PYGL: variants seen among roughly 807,000 people sequenced by gnomAD.
PYGL encodes glycogen phosphorylase L.
Under a neutral mutation model 100.1 loss-of-function variants are expected in PYGL, and 90 were observed. The ratio of observed to expected loss-of-function variants is 0.90; its 90% confidence interval spans 0.76 to 1.07. The LOEUF is 1.07. PYGL is among the 50% of genes least tolerant of loss of function. The pLI, the probability that PYGL is intolerant of heterozygous loss-of-function variation, is 0.00. For synonymous variants in PYGL, 373 were observed against 393.0 expected, an observed-to-expected ratio of 0.95 and a Z score of 0.60; for missense variants, 1,016 against 1,057.6, an observed-to-expected ratio of 0.96 and a Z score of 0.55.
At chr14:50,932,120 T>A (rs779286552) in intron 3 of PYGL, among the ~76,000 whole-genome samples, 7 of 152,156 alleles carry the variant, frequency 4.6e-5, no homozygotes, top group Admixed American at 1.3e-4. Flanking sequence ...GTCCCCACAC[T>A]GCCTTTTCTA....
chr14:50,916,835 A>C, intron 8 of PYGL, 101 bp from the exon 9 acceptor site: 2 of 1,544,248 alleles, frequency 1.3e-6, no homozygotes, highest in Non-Finnish European at 1.8e-6. Context: ...CCCACCTTCT[A>C]TGAAAGACTT....
chr14:50,926,967 G>C (rs2050554263), intron 4 of PYGL, among the ~76,000 whole-genome samples: 1 of 152,054 alleles, frequency 6.6e-6, no homozygotes, highest in Admixed American at 6.6e-5. Flanking sequence ...CAGCATGCAG[G>C]GCTGTTGTAA....
At chr14:50,941,410 A>G (rs2050700796) in intron 1 of PYGL, among the ~76,000 whole-genome samples, 1 of 152,234 alleles carries the variant, frequency 6.6e-6, no homozygotes, top group Non-Finnish European at 1.5e-5. Context: ...TAACCACGTG[A>G]AGTCAGCTGC....
rs533273001 is a variant in PYGL, at chr14:50,944,074, A to C, written c.243+87T>G. ...GGACCGGGTGCAAGGGACCACTCTG[A>C]GGGGTTCTCCACCTCGTCCCGCCCG... On this transcript the variant is annotated intron_variant, in intron 1 of 19. Coordinates refer to ENST00000216392, the MANE Select transcript of PYGL (RefSeq NM_002863.5). The C allele has an allele frequency of 3.8e-5, 56 of 1,470,282 alleles. No individual in the cohort carries two copies. The East Asian group carries it at 1.2e-3, about 32-fold the overall frequency. The allele number at this position is 1,470,282 out of a possible 1,614,324, so 91.1% of individuals were successfully genotyped here. A position where few individuals can be genotyped will look rare whatever the true frequency, so the allele number is the denominator to read the frequency against.
intron 19 of PYGL, chr14:50,908,020 C>CA (rs34040095): frequency 0.18 from 39,304 of 224,236 alleles, 3,038 homozygotes; most frequent in East Asian, 0.34. Flanking sequence ...AGATCTGTCT[C>CA]AAAAAAAAAA....
intron 3 of PYGL, among the ~76,000 whole-genome samples, chr14:50,934,294 A>G (rs1268175079): frequency 6.6e-6 from 1 of 152,242 alleles, no homozygotes; most frequent in Non-Finnish European, 1.5e-5. Flanking sequence ...GCACAAGGCA[A>G]GACAATGGTT....
Position 50,915,313 on chromosome 14 carries a change from C to A in PYGL, c.1403+23G>T, listed in dbSNP as rs763837975. On this transcript the variant is annotated intron_variant, in intron 11 of 19. Transcript: ENST00000216392. ...CATTAATGGATCAGTGTCAGACCCACTGCCAGAGTAATGGAGGCTCACACT... is the reference window on the plus strand; with the variant it reads ...CATTAATGGATCAGTGTCAGACCCAATGCCAGAGTAATGGAGGCTCACACT... 1.5e-5 allele frequency: 24 copies of A among 1,613,310 alleles called. 1 individual carries two copies. In the South Asian group the frequency reaches 2.5e-4, roughly 17 times the overall value.
Position 50,917,085 on chromosome 14 carries a change from T to C in PYGL, c.876A>G (p.Leu292=). 6.2e-7 allele frequency: 1 copy of C among 1,614,016 alleles called. No individual in the cohort carries two copies. Among genetic ancestry groups the C allele is most frequent in the African/African-American group, 1.3e-5 (1 of 75,034 alleles). The change falls in exon 8 of 20, where the codon CTA becomes CTG. Residue 292 remains leucine, a synonymous_variant. Coordinates refer to ENST00000216392, the MANE Select transcript of PYGL (RefSeq NM_002863.5). ...PNDNFFEGKE[L]RLKQEYFVVA... is the part of the protein sequence containing the mutation. ...CCACAAAGTATTCCTGCTTCAATCTTAGCTCCTTCCCTTCAAAAAACTTCA... is the reference window on the plus strand; with the variant it reads ...CCACAAAGTATTCCTGCTTCAATCTCAGCTCCTTCCCTTCAAAAAACTTCA...
intron 1 of PYGL, among the ~76,000 whole-genome samples, chr14:50,939,323 C>G (rs969362477): frequency 6.6e-6 from 1 of 152,226 alleles, no homozygotes; most frequent in African/African-American, 2.4e-5. Flanking sequence ...AGGCGTGAGC[C>G]AAGCGCCCGG....
At position 50,924,390 on chromosome 14, in the gene PYGL, C is replaced by T. The variant is rs142850263; in HGVS notation, c.529-290G>A. ...TAAGATCTCAAGGTCAAACAGTAAACGATAGAGATAAGATCTGCCCTTAGG... is the reference window on the plus strand; with the variant it reads ...TAAGATCTCAAGGTCAAACAGTAAATGATAGAGATAAGATCTGCCCTTAGG... On this transcript the variant is annotated intron_variant, in intron 4 of 19. Transcript: ENST00000216392. 3.9e-3 allele frequency among the ~76,000 whole-genome samples: 601 copies of T among 152,240 alleles called. 18 individuals are homozygous for T. Among genetic ancestry groups the T allele is most frequent in the Admixed American group, 0.035 (530 of 15,300 alleles).
chr14:50,919,984 C>A (rs980846883), intron 7 of PYGL, among the ~76,000 whole-genome samples: 10 of 151,666 alleles, frequency 6.6e-5, no homozygotes, highest in Non-Finnish European at 1.3e-4. Context: ...GCACCTGGCC[C>A]CAAGTGTTTT....
intron 5 of PYGL, chr14:50,923,209 C>T (rs2050516611): frequency 6.6e-6 from 1 of 152,232 alleles, no homozygotes; most frequent in South Asian, 2.1e-4. Context: ...TGCAAGTTAG[C>T]TCAGCAGTGG....
chr14:50,909,903 G>C lies in PYGL; in HGVS notation c.2169C>G (p.Asp723Glu). The C allele has an allele frequency of 6.2e-7, 1 of 1,614,152 alleles. No homozygotes were observed. Among genetic ancestry groups the C allele is most frequent in the Non-Finnish European group, 8.5e-7 (1 of 1,180,018 alleles). ...AGAAGCTATTCTCTTACCCTTTCTT[G>C]TCCAAAGCAGCCACATCATCTATCC... is the stretch of plus-strand genomic sequence containing the variant. ...GMRIDDVAAL[D>E]KKGYEAKEYY... Residue 723 changes from aspartate (D) to glutamate (E), a missense_variant, in exon 17 of 20, where the codon GAC becomes GAG. Transcript: ENST00000216392.
chr14:50,905,489 C>T lies in PYGL; in HGVS notation c.2447G>A (p.Arg816Gln), dbSNP rs547527610. 44 of 1,613,896 alleles carry T rather than the reference C, an allele frequency of 2.7e-5. No individual in the cohort carries two copies. The highest frequency in any genetic ancestry group is 1.6e-4 in the South Asian group (15 of 91,074). ...IAASGKFSSD[R>Q]TIKEYAQNIW... ...GTTTTGGGCATATTCTTTAATTGTT[C>T]GGTCACTGGAGAATTTCCCCGAGGC... The change falls in exon 20 of 20, where the codon CGA (arginine) becomes CAA (glutamine). Residue 816 changes from arginine to glutamine, a missense_variant. Arg to Gln is a conservative substitution (Grantham distance 43). Transcript: ENST00000216392.
intron 4 of PYGL, among the ~76,000 whole-genome samples, chr14:50,927,774 A>G (rs1049170098): frequency 6.6e-6 from 1 of 152,232 alleles, no homozygotes; most frequent in African/African-American, 2.4e-5. Context: ...TTTCATAACA[A>G]GTTGACCTGA....
intron 4 of PYGL, among the ~76,000 whole-genome samples, chr14:50,927,926 C>G (rs1297695198): frequency 6.6e-6 from 1 of 152,070 alleles, no homozygotes; most frequent in Non-Finnish European, 1.5e-5. Flanking sequence ...TTCCATGTAG[C>G]CAGTGATCCC....
At chr14:50,934,813 G>A (rs916760959) in intron 3 of PYGL, among the ~76,000 whole-genome samples, 4 of 152,174 alleles carry the variant, frequency 2.6e-5, no homozygotes, top group Non-Finnish European at 4.4e-5. Context: ...CAAAGGGGGT[G>A]CTAGCATAAT....
chr14:50,941,831 T>C (rs1031389076), intron 1 of PYGL, among the ~76,000 whole-genome samples: 14 of 152,080 alleles, frequency 9.2e-5, no homozygotes, highest in African/African-American at 3.1e-4. Flanking sequence ...TGAGCCGAGA[T>C]TGCATCATTG....
At position 50,911,798 on chromosome 14, in the gene PYGL, T is replaced by A; in HGVS notation, c.1901A>T (p.Asp634Val). The A allele has an allele frequency of 6.2e-7, 1 of 1,614,162 alleles. No individual in the cohort carries two copies. The highest frequency in any genetic ancestry group is 8.5e-7 in the Non-Finnish European group (1 of 1,179,996). ...ITSVADVVNN[D>V]PMVGSKLKVI... Reference sequence around the variant, plus strand: ...TTTCAACTTGCTTCCAACCATAGGGTCATTGTTCACCACATCTGCCACTGA... The same window carrying A: ...TTTCAACTTGCTTCCAACCATAGGGACATTGTTCACCACATCTGCCACTGA... The change falls in exon 16 of 20, where the codon GAC becomes GTC. Residue 634 changes from aspartate (D) to valine (V), a missense_variant. Physicochemically the swap from Asp to Val is radical, Grantham distance 152 (BLOSUM62 -3). Transcript: ENST00000216392.
Sources: allele counts gnomAD v4.1 joint callset (sites outside exome capture counted in the v4.1 genomes callset), GRCh38; gene constraint gnomAD v4.1.1; transcripts MANE v1.5; gene names NCBI Gene and HGNC (gene_info 2026-07-23, HGNC 2026-07-21).